The following CACNA1B variants were observed in gnomAD, a reference collection of about 807,000 sequenced individuals.
CACNA1B encodes the protein calcium voltage-gated channel subunit alpha1 B, also known as voltage-dependent N-type calcium channel subunit alpha-1B.
CACNA1B carries 70 observed loss-of-function variants against 247.2 expected under a neutral mutation model. That is an observed-to-expected ratio of 0.28 (90% CI 0.23 to 0.35). The LOEUF is 0.35. Ranked by LOEUF, CACNA1B falls within the 10% of genes least tolerant of loss-of-function variation. The pLI is 1.00. For synonymous variants in CACNA1B, 1,231 were observed against 1,294.4 expected (o/e 0.95, Z 1.05); for missense variants, 2,367 against 3,197.4 (o/e 0.74, Z 6.26).
intron 36 of CACNA1B, among the ~76,000 whole-genome samples, chr9:138,086,005 A>G (rs1217943919): frequency 2.6e-5 from 4 of 151,236 alleles, no homozygotes; most frequent in Non-Finnish European, 5.9e-5. Context: ...AAGAGAAAAT[A>G]ATCAAACCTT....
Position 138,117,987 on chromosome 9 carries a change from G to C in CACNA1B, c.5819G>C (p.Gly1940Ala), listed in dbSNP as rs761038215. Residue 1940 changes from glycine to alanine, a missense_variant, in exon 43 of 47, where the codon GGC (glycine) becomes GCC (alanine). Around this residue, in one of 12 missense-constraint regions of CACNA1B, gnomAD observed 773 missense variants for 779.4 expected, o/e 0.99. Transcript: ENST00000371372. ...GGCATCAAAGAGTCTGTCTCCTGGG[G>C]CACTCAAAGGACCCAGGATGCACCC... ...ESGIKESVSW[G>A]TQRTQDAPHE... 6.3e-7 allele frequency: 1 copy of C among 1,596,032 alleles called. No individual in the cohort carries two copies. The highest frequency in any genetic ancestry group is 8.5e-7 in the Non-Finnish European group (1 of 1,169,998).
chr9:137,953,731 G>C (rs1028000779), intron 7 of CACNA1B, among the ~76,000 whole-genome samples: 9 of 152,156 alleles, frequency 5.9e-5, no homozygotes, highest in African/African-American at 1.9e-4. Flanking sequence ...GAACAGCTGG[G>C]GTGGAGGCAC....
chr9:138,100,704 T>C lies in CACNA1B; in HGVS notation c.5223-2007T>C, dbSNP rs1961222514. On this transcript the variant is annotated intron_variant, in intron 37 of 46. Coordinates refer to ENST00000371372, the MANE Select transcript of CACNA1B (RefSeq NM_000718.4). The surrounding 1 kb of genome is among the most constrained non-coding windows in gnomAD (Gnocchi z 4.6). ...GAGACAGGGTCAGTCAGGAGGCAAA[T>C]GGGTATGGGCCTCTGAGGTTGCTGT... 6.6e-6 allele frequency among the ~76,000 whole-genome samples: 1 copy of C among 151,498 alleles called. No individual in the cohort carries two copies. Among genetic ancestry groups the C allele is most frequent in the Non-Finnish European group, 1.5e-5 (1 of 67,864 alleles).
chr9:138,034,507 CTA>C (rs1217187188), intron 20 of CACNA1B, among the ~76,000 whole-genome samples: 1 of 140,494 alleles, frequency 7.1e-6, no homozygotes, highest in Non-Finnish European at 1.5e-5. Context: ...TGATTATTGT[CTA>C]TAAGTTTTAT....
At chr9:137,953,800 G>T (rs1021830431) in intron 7 of CACNA1B, among the ~76,000 whole-genome samples, 1 of 152,156 alleles carries the variant, frequency 6.6e-6, no homozygotes. Flanking sequence ...GAGTCAGAGG[G>T]TGTTGTGGGG....
chr9:137,890,984 C>T (rs1421057166), intron 3 of CACNA1B: 1 of 152,402 alleles, frequency 6.6e-6, no homozygotes, highest in Non-Finnish European at 1.5e-5. Context: ...TGGTGCTGAT[C>T]TTTCCAGCTC....
rs1250024325 is a variant in CACNA1B at position 138,059,621 on chromosome 9, C to G, written c.4585-33C>G. ...TCTTTGCCAACAGAGCCCTCATCAGCCGCTGGCACTAACTGCTCTTCTTTT... is the reference window on the plus strand; with the variant it reads ...TCTTTGCCAACAGAGCCCTCATCAGGCGCTGGCACTAACTGCTCTTCTTTT... On this transcript the variant is annotated intron_variant, in intron 30 of 46. Coordinates refer to ENST00000371372, the MANE Select transcript of CACNA1B (RefSeq NM_000718.4). This position sits in a 1 kb window ranked among gnomAD's most constrained non-coding sequence, Gnocchi z 4.2. 1 of 1,287,190 alleles carries G rather than the reference C, an allele frequency of 7.8e-7. No homozygotes were observed. Among genetic ancestry groups the G allele is most frequent in the African/African-American group, 1.5e-5 (1 of 68,516 alleles). 79.7% of individuals were successfully genotyped at this position (1,287,190 alleles called of 1,614,324 possible).
Position 137,986,908 on chromosome 9 carries a change from G to T in CACNA1B, c.1974+54G>T. ...CCTGCCCGGCTCCCGTCTCCCCTGG[G>T]TGCTGGGAAGGCGGACTCTCCTGTC... On this transcript the variant is annotated intron_variant, in intron 15 of 46. Transcript: ENST00000371372. The surrounding 1 kb of genome is among the most constrained non-coding windows in gnomAD (Gnocchi z 6.0). 1 of 1,343,750 alleles carries T rather than the reference G, an allele frequency of 7.4e-7. No individual in the cohort carries two copies. The highest frequency in any genetic ancestry group is 1.1e-6 in the Non-Finnish European group (1 of 935,522). The allele number at this position is 1,343,750 out of a possible 1,614,324, so 83.2% of individuals were successfully genotyped here. A position where few individuals can be genotyped will look rare whatever the true frequency, so the allele number is the denominator to read the frequency against.
At chr9:137,935,139 C>T (rs1957650873) in intron 6 of CACNA1B, among the ~76,000 whole-genome samples, 1 of 152,090 alleles carries the variant, frequency 6.6e-6, no homozygotes, top group South Asian at 2.1e-4. Context: ...TTCTAGGGTA[C>T]ATGTGCACAA....
intron 6 of CACNA1B, among the ~76,000 whole-genome samples, chr9:137,938,856 T>C (rs888227008): frequency 1.2e-4 from 19 of 152,096 alleles, no homozygotes; most frequent in Admixed American, 1.2e-3. Flanking sequence ...ATGGATCACC[T>C]GAGGTCAGGA....
In CACNA1B at chr9:138,100,466, A is replaced by G. The variant is rs1253601231; in HGVS notation, c.5223-2245A>G. On this transcript the variant is annotated intron_variant, in intron 37 of 46. Transcript: ENST00000371372. This position sits in a 1 kb window ranked among gnomAD's most constrained non-coding sequence, Gnocchi z 4.6. Reference sequence around the variant, plus strand: ...CCGTGGTGGTCCCTTGGCTGCCACAACCTTAGCAAACATCTTTGGTGAGGC... The same window carrying G: ...CCGTGGTGGTCCCTTGGCTGCCACAGCCTTAGCAAACATCTTTGGTGAGGC... Among the ~76,000 whole-genome samples the G allele has an allele frequency of 1.3e-5, 2 of 152,088 alleles. No individual in the cohort carries two copies. The highest frequency in any genetic ancestry group is 2.4e-5 in the African/African-American group (1 of 41,406).
Position 138,120,724 on chromosome 9 carries a change from C to G in CACNA1B, c.6332C>G (p.Ser2111Cys), listed in dbSNP as rs1206439052. Residue 2111 changes from serine to cysteine, a missense_variant, in exon 46 of 47, where the codon TCC becomes TGC. Transcript: ENST00000371372. ...GAGCGCCGGCAGGAGCGGGGCCGGT[C>G]CCAGGAGCGGAGGCAGCCCTCATCC... The part of the protein sequence containing the change: ...ERERRQERGR[S>C]QERRQPSSSS... 6.5e-7 allele frequency: 1 copy of G among 1,536,502 alleles called. No individual in the cohort carries two copies. The highest frequency in any genetic ancestry group is 8.7e-7 in the Non-Finnish European group (1 of 1,143,768).
chr9:137,896,112 G>A lies in CACNA1B; in HGVS notation c.530+13229G>A, dbSNP rs562893054. 2.8e-3 allele frequency among the ~76,000 whole-genome samples: 423 copies of A among 152,074 alleles called. 1 individual carries two copies. Among genetic ancestry groups the A allele is most frequent in the Middle Eastern group, 0.014 (4 of 294 alleles). Reference sequence around the variant, plus strand: ...AAGTTAGCCGGGTGTGGTGGCAGGCGCCTGTAGTCCCACCTACTCGGGAGG... The same window carrying A: ...AAGTTAGCCGGGTGTGGTGGCAGGCACCTGTAGTCCCACCTACTCGGGAGG... On this transcript the variant is annotated intron_variant, in intron 3 of 46. Transcript: ENST00000371372.
At chr9:138,063,989 T>A (rs2133517210) in intron 31 of CACNA1B, among the ~76,000 whole-genome samples, 1 of 152,338 alleles carries the variant, frequency 6.6e-6, no homozygotes, top group Non-Finnish European at 1.5e-5. Context: ...TTCGGCCAGT[T>A]AGTTAGGACT....
chr9:137,945,701 C>G (rs957413319), intron 6 of CACNA1B, among the ~76,000 whole-genome samples: 2 of 152,248 alleles, frequency 1.3e-5, no homozygotes, highest in African/African-American at 4.8e-5. Flanking sequence ...ACCCTCTAAA[C>G]TTAGGCAACA....
At chr9:138,048,969 C>T (rs375812957) in intron 23 of CACNA1B, among the ~76,000 whole-genome samples, 3 of 152,234 alleles carry the variant, frequency 2.0e-5, no homozygotes, top group Admixed American at 6.5e-5. Context: ...CCACCCGCCT[C>T]AGCCTCCCAA....
rs200306367 is a variant in CACNA1B at position 138,122,188 on chromosome 9, C to T, written c.*189C>T. 2.7e-5 allele frequency: 16 copies of T among 602,786 alleles called. No individual in the cohort carries two copies. Among genetic ancestry groups the T allele is most frequent in the East Asian group, 1.7e-4 (6 of 36,158 alleles). 37.3% of individuals were successfully genotyped at this position (602,786 alleles called of 1,614,324 possible). On this transcript the variant is annotated 3_prime_UTR_variant, in exon 47 of 47. Transcript: ENST00000371372. ...ACGAATAAAGCCCTGTTAGAGGATG[C>T]GGCTCTCTCTGTCCCCTTCCTGTCC...
rs1226347537 is a variant in CACNA1B, at chr9:137,952,028, G to A, written c.967-246G>A. On this transcript the variant is annotated intron_variant, in intron 6 of 46. Transcript: ENST00000371372. This position sits in a 1 kb window ranked among gnomAD's most constrained non-coding sequence, Gnocchi z 4.8. ...TTGCCAGGCAGTGGCTGGCAGCACT[G>A]AGTGTCCCTGGTCCTCTGGGAGCTG... Among the ~76,000 whole-genome samples, 1 of 152,146 alleles carries A rather than the reference G, an allele frequency of 6.6e-6. No individual in the cohort carries two copies. The highest frequency in any genetic ancestry group is 1.5e-5 in the Non-Finnish European group (1 of 68,022).
At position 138,106,778 on chromosome 9, in the gene CACNA1B, A is replaced by T. The variant is rs537385432; in HGVS notation, c.5428+971A>T. On this transcript the variant is annotated intron_variant, in intron 39 of 46. Transcript: ENST00000371372. ...ACTCCGTCTCGAAAACAACCAAAAA[A>T]GTTATCTTCCCCTCTGTCGACTTCC... 2.0e-5 allele frequency among the ~76,000 whole-genome samples: 3 copies of T among 152,294 alleles called. No homozygotes were observed. In the East Asian group the frequency reaches 5.8e-4, roughly 29 times the overall value.
Sources: gnomAD v4.1 joint callset for allele counts (sites outside exome capture counted in the v4.1 genomes callset) on GRCh38, gnomAD v4.1.1 for gene constraint, gnomAD v4.1.1 regional missense constraint, Gnocchi (gnomAD v3.1) non-coding constraint, MANE v1.5 for transcripts, NCBI Gene and HGNC (gene_info 2026-07-23, HGNC 2026-07-21) for gene names.